The following POM121 variants were observed in gnomAD, a reference collection of about 807,000 sequenced individuals.
POM121 encodes nuclear envelope pore membrane protein POM 121.
Under a neutral mutation model 81.3 loss-of-function variants are expected in POM121, and 32 were observed. The observed-to-expected ratio is 0.39, with a 90% CI of 0.30 to 0.53. POM121 has a LOEUF of 0.53. POM121 is among the 20% of genes least tolerant of loss of function. The pLI, the probability that POM121 is intolerant of heterozygous loss-of-function variation, is 0.66. For missense variants in POM121, 1,138 were observed against 1,614.6 expected, an observed-to-expected ratio of 0.70 and a Z score of 5.06; for synonymous variants, 514 against 694.2, an observed-to-expected ratio of 0.74 and a Z score of 4.08.
At chr7:72,889,803 C>A (rs1791122311) in intron 1 of POM121, among the ~76,000 whole-genome samples, 2 of 152,168 alleles carry the variant, frequency 1.3e-5, no homozygotes. Context: ...TAGGCATGAG[C>A]CACCATGCCC....
intron 5 of POM121, among the ~76,000 whole-genome samples, chr7:72,938,231 CT>C (rs879963343): frequency 1.6e-3 from 224 of 143,382 alleles, no homozygotes; most frequent in Non-Finnish European, 1.9e-3. Flanking sequence ...ATTTTCTTTT[CT>C]TTTTTTTTTT....
intron 4 of POM121, among the ~76,000 whole-genome samples, chr7:72,918,890 C>T (rs1414666181): frequency 3.2e-4 from 48 of 152,118 alleles, no homozygotes; most frequent in African/African-American, 1.1e-3. Context: ...CTCCACCTTC[C>T]GGGTTCAAGC....
intron 5 of POM121, among the ~76,000 whole-genome samples, chr7:72,933,008 C>T (rs1277568684): frequency 1.3e-5 from 2 of 150,984 alleles, no homozygotes; most frequent in African/African-American, 2.4e-5. Flanking sequence ...GCAGAGATAG[C>T]GCCACTCCAC....
At chr7:72,912,984 A>G (rs1554494534) in intron 3 of POM121, among the ~76,000 whole-genome samples, 1 of 152,172 alleles carries the variant, frequency 6.6e-6, no homozygotes, top group African/African-American at 2.4e-5. Context: ...CTTCATCATC[A>G]GGTCCCTACT....
intron 3 of POM121, among the ~76,000 whole-genome samples, chr7:72,894,746 A>G (rs1791759929): frequency 6.6e-6 from 1 of 150,478 alleles, no homozygotes; most frequent in Non-Finnish European, 1.5e-5. Context: ...GCAGCCTCCA[A>G]CTCCTGGACT....
At chr7:72,944,794 G>A (rs1354295599) in intron 11 of POM121, among the ~76,000 whole-genome samples, 10 of 151,978 alleles carry the variant, frequency 6.6e-5, no homozygotes, top group African/African-American at 2.4e-4. Flanking sequence ...GCAGGGGTCG[G>A]GGAGAGGAGG....
intron 7 of POM121, 82 bp from the exon 8 acceptor site, chr7:72,939,765 T>C (rs1796880419): frequency 1.9e-6 from 3 of 1,610,458 alleles, no homozygotes; most frequent in East Asian, 2.2e-5. Flanking sequence ...GAAAACTCAA[T>C]GTGAAATGCG....
chr7:72,938,350 A>G (rs1586174880), intron 5 of POM121, among the ~76,000 whole-genome samples: 1 of 151,174 alleles, frequency 6.6e-6, no homozygotes, highest in East Asian at 1.9e-4. Context: ...CACCACACCC[A>G]ACTGATTTTT....
chr7:72,949,133 T>C (rs1554504208), downstream of POM121: 2 of 1,444,226 alleles, frequency 1.4e-6, no homozygotes, highest in East Asian at 2.3e-5. Context: ...GTTACACAGC[T>C]TCACAGGCTG....
intron 1 of POM121, among the ~76,000 whole-genome samples, chr7:72,886,678 G>GT (rs1554490111): frequency 1.3e-5 from 2 of 151,994 alleles, no homozygotes; most frequent in Admixed American, 6.6e-5. Flanking sequence ...TTTTAAAGGT[G>GT]TTTTTGCTGG....
intron 3 of POM121, among the ~76,000 whole-genome samples, chr7:72,908,793 C>T (rs1554493848): frequency 1.3e-5 from 2 of 152,194 alleles, no homozygotes; most frequent in Non-Finnish European, 2.9e-5. Context: ...TCTGTTCCAC[C>T]CAGCTCTCAG....
chr7:72,886,391 C>T (rs1790722034), intron 1 of POM121, among the ~76,000 whole-genome samples: 2 of 152,134 alleles, frequency 1.3e-5, no homozygotes, highest in Non-Finnish European at 2.9e-5. Flanking sequence ...CCAGGCTGGT[C>T]TCGAACTCCT....
At chr7:72,918,264 C>T (rs539054113) in intron 4 of POM121, among the ~76,000 whole-genome samples, 22 of 152,084 alleles carry the variant, frequency 1.4e-4, no homozygotes, top group African/African-American at 3.9e-4. Context: ...CTCCCTTTCC[C>T]GGTCTGCTAA....
At chr7:72,934,887 A>G (rs1158628538) in intron 5 of POM121, among the ~76,000 whole-genome samples, 2 of 151,918 alleles carry the variant, frequency 1.3e-5, no homozygotes, top group African/African-American at 4.8e-5. Flanking sequence ...CTATTTTTCT[A>G]CCTACCCTTG....
At chr7:72,899,883 A>G (rs1554492370) in intron 3 of POM121, among the ~76,000 whole-genome samples, 1 of 150,896 alleles carries the variant, frequency 6.6e-6, no homozygotes, top group African/African-American at 2.4e-5. Context: ...CTGGTGCTTT[A>G]TATTAAATTT....
intron 1 of POM121, among the ~76,000 whole-genome samples, chr7:72,888,530 A>G (rs1302686678): frequency 1.3e-5 from 2 of 152,106 alleles, no homozygotes; most frequent in African/African-American, 4.8e-5. Context: ...TTTCTTAGTT[A>G]TATTCCTCTA....
At chr7:72,902,262 T>C (rs1405758220) in intron 3 of POM121, among the ~76,000 whole-genome samples, 3 of 147,400 alleles carry the variant, frequency 2.0e-5, no homozygotes, top group Non-Finnish European at 3.0e-5. Flanking sequence ...TTTCTTTTTT[T>C]TTTTTTTTTT....
At chr7:72,885,141 T>A (rs1161248271) in intron 1 of POM121, among the ~76,000 whole-genome samples, 1 of 152,152 alleles carries the variant, frequency 6.6e-6, no homozygotes, top group Non-Finnish European at 1.5e-5. Context: ...TAAATTTAGG[T>A]TTCCCTGATC....
chr7:72,889,789 A>G (rs1322831098), intron 1 of POM121, among the ~76,000 whole-genome samples: 4 of 152,140 alleles, frequency 2.6e-5, no homozygotes, highest in African/African-American at 9.7e-5. Context: ...AAGTGCTAGG[A>G]TTATAGGCAT....
Sources: gnomAD v4.1 joint callset for allele counts (sites outside exome capture counted in the v4.1 genomes callset) on GRCh38, gnomAD v4.1.1 for gene constraint, MANE v1.5 for transcripts, NCBI Gene and HGNC (gene_info 2026-07-23, HGNC 2026-07-21) for gene names.